The following TNFRSF19 variants were observed in gnomAD, a reference collection of about 807,000 sequenced individuals.
TNFRSF19 encodes tumor necrosis factor receptor superfamily member 19.
TNFRSF19 carries 27 observed loss-of-function variants against 46.4 expected under a neutral mutation model. The ratio of observed to expected loss-of-function variants is 0.58; its 90% confidence interval spans 0.43 to 0.80. The LOEUF (loss-of-function observed/expected upper bound fraction) is 0.80, where lower values mean the gene tolerates loss of function less well. Ranked by LOEUF, TNFRSF19 falls within the 30% of genes least tolerant of loss-of-function variation. TNFRSF19 has a pLI of 0.00. For synonymous variants in TNFRSF19, 204 were observed against 205.0 expected (o/e 1.00, Z 0.04); for missense variants, 511 against 530.8 (o/e 0.96, Z 0.37).
intron 5 of TNFRSF19, among the ~76,000 whole-genome samples, chr13:23,657,620 T>C (rs1449162443): frequency 6.6e-6 from 1 of 152,250 alleles, no homozygotes; most frequent in Non-Finnish European, 1.5e-5. Context: ...GAATACATAT[T>C]GAAATGCAAT....
At chr13:23,658,901 T>TG (rs1884154341) in intron 5 of TNFRSF19, 149 bp from the exon 6 acceptor site, 8 of 919,802 alleles carry the variant, frequency 8.7e-6, no homozygotes, top group Non-Finnish European at 1.3e-5. Context: ...ATCTTCTGGG[T>TG]GGAGGGGGTG....
At chr13:23,645,749 T>C (rs2138350158) in intron 5 of TNFRSF19, among the ~76,000 whole-genome samples, 1 of 152,322 alleles carries the variant, frequency 6.6e-6, no homozygotes, top group African/African-American at 2.4e-5. Flanking sequence ...TATGCACTGA[T>C]GCTTTTTGAA....
intron 1 of TNFRSF19, among the ~76,000 whole-genome samples, chr13:23,574,449 AAT>A (rs1040099308): frequency 3.5e-5 from 5 of 143,708 alleles, no homozygotes; most frequent in Admixed American, 2.1e-4. Context: ...TTTGGCCAAA[AAT>A]ATGGGCTCCA....
intron 5 of TNFRSF19, among the ~76,000 whole-genome samples, chr13:23,634,960 A>G (rs1882583681): frequency 6.6e-6 from 1 of 152,186 alleles, no homozygotes; most frequent in South Asian, 2.1e-4. Flanking sequence ...ATAGTGTGAA[A>G]TAGCAAGTAT....
At chr13:23,592,195 C>A (rs1879357618) in intron 2 of TNFRSF19, among the ~76,000 whole-genome samples, 1 of 152,150 alleles carries the variant, frequency 6.6e-6, no homozygotes, top group Non-Finnish European at 1.5e-5. Flanking sequence ...ATGTCCTGTG[C>A]TCAACTGTGT....
intron 3 of TNFRSF19, among the ~76,000 whole-genome samples, chr13:23,605,521 A>G (rs1209705672): frequency 6.6e-6 from 1 of 152,218 alleles, no homozygotes. Context: ...ACAGATACTT[A>G]TAGCAGGTTT....
intron 1 of TNFRSF19, among the ~76,000 whole-genome samples, chr13:23,581,449 G>T (rs1227928242): frequency 1.3e-5 from 2 of 152,096 alleles, no homozygotes; most frequent in East Asian, 3.8e-4. Flanking sequence ...CCCGGCCGTC[G>T]ATGTGCCTTT....
intron 9 of TNFRSF19, among the ~76,000 whole-genome samples, chr13:23,670,218 G>A (rs1951736797): frequency 6.6e-6 from 1 of 152,102 alleles, no homozygotes; most frequent in African/African-American, 2.4e-5. Flanking sequence ...GTTTTGAAAC[G>A]GGGTCTCTCT....
At chr13:23,646,988 T>C (rs1883368970) in intron 5 of TNFRSF19, among the ~76,000 whole-genome samples, 1 of 152,226 alleles carries the variant, frequency 6.6e-6, no homozygotes, top group Non-Finnish European at 1.5e-5. Flanking sequence ...TCCTAATGGG[T>C]ATGAAGTGGT....
chr13:23,588,313 G>A (rs763376798), intron 1 of TNFRSF19, among the ~76,000 whole-genome samples: 4 of 152,202 alleles, frequency 2.6e-5, no homozygotes, highest in Non-Finnish European at 4.4e-5. Context: ...TGCTCCGGGC[G>A]CTGGGCTCAG....
rs1951816116 is a variant in TNFRSF19, at chr13:23,675,490, A to T, written c.*2110A>T. 6.6e-6 allele frequency: 1 copy of T among 152,242 alleles called. No homozygotes were observed. The highest frequency in any genetic ancestry group is 1.5e-5 in the Non-Finnish European group (1 of 68,046). The allele number at this position is 152,242 out of a possible 1,614,324, so 9.4% of individuals were successfully genotyped here. A position where few individuals can be genotyped will look rare whatever the true frequency, so the allele number is the denominator to read the frequency against. ...CAGTAGAGAAGTGCTTAGGGTTGAA[A>T]ATTGATTTCATTTGCTACTGAATTT... On this transcript the variant is annotated 3_prime_UTR_variant, in exon 10 of 10. Coordinates refer to ENST00000248484, the MANE Select transcript of TNFRSF19 (RefSeq NM_148957.4).
chr13:23,581,612 T>G (rs1262484256), intron 1 of TNFRSF19, among the ~76,000 whole-genome samples: 2 of 152,208 alleles, frequency 1.3e-5, no homozygotes, highest in Non-Finnish European at 2.9e-5. Context: ...CGACATGTAA[T>G]GTCATATGCT....
chr13:23,660,325 G>GA, intron 6 of TNFRSF19, 40 bp from the exon 7 acceptor site: 1 of 1,590,824 alleles, frequency 6.3e-7, no homozygotes, highest in Non-Finnish European at 8.6e-7. Flanking sequence ...CACTAGAGAG[G>GA]AGACTGTGTT....
chr13:23,579,281 G>C (rs1349980139), intron 1 of TNFRSF19: 1 of 152,346 alleles, frequency 6.6e-6, no homozygotes, highest in Non-Finnish European at 1.5e-5. Context: ...GCCACGGCGA[G>C]AGCCGCGGTG....
At chr13:23,644,523 CTG>C (rs1408013141) in intron 5 of TNFRSF19, among the ~76,000 whole-genome samples, 2 of 152,200 alleles carry the variant, frequency 1.3e-5, no homozygotes, top group African/African-American at 2.4e-5. Context: ...CCCTGCTGAA[CTG>C]TGAGTCAATT....
chr13:23,638,261 C>T (rs1402307094), intron 5 of TNFRSF19, among the ~76,000 whole-genome samples: 1 of 152,134 alleles, frequency 6.6e-6, no homozygotes, highest in African/African-American at 2.4e-5. Flanking sequence ...AGGTAATCTG[C>T]TGCCATTGTG....
intron 3 of TNFRSF19, among the ~76,000 whole-genome samples, chr13:23,597,086 A>G (rs9553010): frequency 0.25 from 37,981 of 152,128 alleles, 5,331 homozygotes; most frequent in African/African-American, 0.37. Context: ...TCTGGGATAC[A>G]GCTAAAGTAG....
At chr13:23,579,167 T>A (rs1878181400) in intron 1 of TNFRSF19, among the ~76,000 whole-genome samples, 1 of 152,044 alleles carries the variant, frequency 6.6e-6, no homozygotes, top group African/African-American at 2.4e-5. Flanking sequence ...CTCACACTCA[T>A]CCGCTTCAGT....
rs141963873 is a variant in TNFRSF19 at position 23,589,938 on chromosome 13, T to A, written c.-34-212T>A. 1.3e-3 allele frequency among the ~76,000 whole-genome samples: 203 copies of A among 152,320 alleles called. 3 individuals carry two copies. In the East Asian group the frequency reaches 0.032, roughly 24 times the overall value. ...GAGCCTGTAAGAGTTTTGCATATAA[T>A]GTATAGGTAAACAGAGCTTCAATTC... On this transcript the variant is annotated intron_variant, in intron 1 of 9. Coordinates refer to ENST00000248484, the MANE Select transcript of TNFRSF19 (RefSeq NM_148957.4).
Sources: allele counts gnomAD v4.1 joint callset (sites outside exome capture counted in the v4.1 genomes callset), GRCh38; gene constraint gnomAD v4.1.1; transcripts MANE v1.5; gene names NCBI Gene and HGNC (gene_info 2026-07-23, HGNC 2026-07-21).